TMEM39A: variants seen among roughly 807,000 people sequenced by gnomAD.
TMEM39A encodes the protein suppressor of SQST-1 aggregates in rpl-43 mutants.
A neutral mutation model predicts 51.9 loss-of-function variants in TMEM39A; 19 were observed. The ratio of observed to expected loss-of-function variants is 0.37; its 90% CI spans 0.26 to 0.54. The LOEUF (loss-of-function observed/expected upper bound fraction) is 0.54. Among genes scored for constraint, TMEM39A ranks in the 20% least tolerant of loss-of-function variants. The pLI is 0.88. For synonymous variants in TMEM39A, 197 were observed against 220.2 expected (o/e 0.89, Z 0.93); for missense variants, 433 against 590.5 (o/e 0.73, Z 2.76).
Position 119,459,779 on chromosome 3 carries a change from C to A in TMEM39A, c.114-1539G>T, listed in dbSNP as rs148807540. 9.8e-5 allele frequency among the ~76,000 whole-genome samples: 15 copies of A among 152,306 alleles called. No individual in the cohort carries two copies. In the East Asian group the frequency reaches 2.9e-3, roughly 29 times the overall value. ...CAAACAGGGACAAATTCTCTCCTCT[C>A]CAGCTGACCTATGTCTGTCTTGCAG... On this transcript the variant is annotated intron_variant, in intron 2 of 8. Coordinates refer to ENST00000319172, the MANE Select transcript of TMEM39A (RefSeq NM_018266.3).
In TMEM39A at chr3:119,431,989, C is replaced by T. The variant is rs1132200; in HGVS notation, c.1459G>A (p.Ala487Thr). 0.15 allele frequency: 230,778 copies of T among 1,581,760 alleles called. 18,235 individuals are homozygous for T. The highest frequency in any genetic ancestry group is 0.17 in the Middle Eastern group (1,016 of 5,940). ...CATTGTTGAGAGGCAGCTTAGTTTG[C>T]CTTGAGTTCATAACTGTTGAGTGGG... ...SYPLNSYELK[A>T]N The change falls in exon 9 of 9, where the codon GCA becomes ACA. Residue 487 changes from alanine to threonine, a missense_variant. Transcript: ENST00000319172.
intron 3 of TMEM39A, among the ~76,000 whole-genome samples, chr3:119,455,021 T>C (rs1360577714): frequency 1.3e-5 from 2 of 152,230 alleles, no homozygotes; most frequent in Admixed American, 1.3e-4. Flanking sequence ...AGAATGATAC[T>C]TCACATATTC....
intron 2 of TMEM39A, 62 bp downstream of exon 2, chr3:119,461,900 T>C: frequency 7.7e-7 from 1 of 1,293,958 alleles, no homozygotes; most frequent in East Asian, 2.4e-5. Context: ...CATGATGACT[T>C]TTATGTTAGT....
intron 5 of TMEM39A, among the ~76,000 whole-genome samples, chr3:119,445,656 T>C (rs1484631393): frequency 3.9e-5 from 6 of 152,168 alleles, no homozygotes; most frequent in South Asian, 2.1e-4. Flanking sequence ...TGCTGAAGTA[T>C]TGAGGAGGAA....
chr3:119,449,608 G>A (rs1160474676), intron 4 of TMEM39A, among the ~76,000 whole-genome samples: 1 of 152,062 alleles, frequency 6.6e-6, no homozygotes, highest in Admixed American at 6.5e-5. Flanking sequence ...GGCGACAAGA[G>A]CAAAACTCTG....
At chr3:119,435,545 G>T in intron 7 of TMEM39A, 3 of 984,446 alleles carry the variant, frequency 3.0e-6, no homozygotes, top group Non-Finnish European at 3.6e-6. Flanking sequence ...ATGGAGTTTG[G>T]GTGGGGACAG....
intron 2 of TMEM39A, 62 bp from the exon 3 acceptor site, chr3:119,458,302 G>A: frequency 7.0e-7 from 1 of 1,438,544 alleles, no homozygotes; most frequent in Non-Finnish European, 9.7e-7. Context: ...AGAACATAAA[G>A]GGCTCCTGCT....
Position 119,430,085 on chromosome 3 carries a change from TAG to T in TMEM39A, c.*1894_*1895del, listed in dbSNP as rs1437425303. 2 of 152,120 alleles carry T rather than the reference TAG, an allele frequency of 1.3e-5. No individual in the cohort carries two copies. The highest frequency in any genetic ancestry group is 4.8e-5 in the African/African-American group (2 of 41,430). 9.4% of individuals were successfully genotyped at this position (152,120 alleles called of 1,614,324 possible). ...TATTTTCAAGATCCTACAGAAAGAA[TAG>T]AAAGATGGCAGATTCCCTACCCTTC... On this transcript the variant is annotated 3_prime_UTR_variant, in exon 9 of 9. Coordinates refer to ENST00000319172, the MANE Select transcript of TMEM39A (RefSeq NM_018266.3).
intron 4 of TMEM39A, among the ~76,000 whole-genome samples, chr3:119,447,486 A>C (rs2081143572): frequency 1.3e-5 from 2 of 152,310 alleles, no homozygotes; most frequent in Admixed American, 1.3e-4. Context: ...ATTTTGTTCC[A>C]TCAGAATGAC....
In TMEM39A at chr3:119,430,638, T is replaced by G. The variant is rs570745825; in HGVS notation, c.*1343A>C. 9 of 152,194 alleles carry G rather than the reference T, an allele frequency of 5.9e-5. No homozygotes were observed. In the East Asian group the frequency reaches 1.7e-3, roughly 29 times the overall value. 9.4% of individuals were successfully genotyped at this position (152,194 alleles called of 1,614,324 possible). A position where few individuals can be genotyped will look rare whatever the true frequency, so the allele number is the denominator to read the frequency against. ...AAAAAAAGTATACACATCAAAATAT[T>G]TAAAGAAACAATTATTGATTTAAAC... On this transcript the variant is annotated 3_prime_UTR_variant, in exon 9 of 9. Coordinates refer to ENST00000319172, the MANE Select transcript of TMEM39A (RefSeq NM_018266.3).
intron 6 of TMEM39A, 32 bp from the exon 7 acceptor site, chr3:119,437,010 C>T: frequency 6.3e-7 from 1 of 1,582,704 alleles, no homozygotes. Context: ...AGAAATGATC[C>T]ATGCACTGGT....
rs762036518 is a variant in TMEM39A at position 119,438,045 on chromosome 3, G to A, written c.634C>T (p.Leu212Phe). 6 of 1,609,060 alleles carry A rather than the reference G, an allele frequency of 3.7e-6. No homozygotes were observed. Among genetic ancestry groups the A allele is most frequent in the Non-Finnish European group, 5.1e-6 (6 of 1,175,648 alleles). ...TGAACCACATAGTTGTAGTCTGTGA[G>A]AAGAAGATGTGCTCTACTATCTTGA... ...FHQDSRAHLL[L>F]TDYNYVVQHE... is the part of the protein sequence containing the mutation. Residue 212 changes from leucine (L) to phenylalanine (F), a missense_variant, in exon 6 of 9, where the codon CTC (leucine) becomes TTC (phenylalanine). This residue lies in a region of TMEM39A where 40 missense variants were observed against 22.6 expected (regional missense o/e 1.77). Coordinates refer to ENST00000319172, the MANE Select transcript of TMEM39A (RefSeq NM_018266.3).
At chr3:119,458,288 T>C in intron 2 of TMEM39A, 48 bp from the exon 3 acceptor site, 1 of 1,542,056 alleles carries the variant, frequency 6.5e-7, no homozygotes, top group Non-Finnish European at 8.9e-7. Context: ...ACCTCCAGTA[T>C]CACAGAACAT....
chr3:119,447,255 G>A, intron 4 of TMEM39A, 83 bp from the exon 5 acceptor site: 1 of 1,378,960 alleles, frequency 7.3e-7, no homozygotes. Flanking sequence ...AACTTAATAG[G>A]TTTAGTGGAA....
rs2081347277 is a variant in TMEM39A at position 119,462,139 on chromosome 3, A to G, written c.-65T>C. 1 of 1,266,814 alleles carries G rather than the reference A, an allele frequency of 7.9e-7. No individual in the cohort carries two copies. The highest frequency in any genetic ancestry group is 1.9e-5 in the Admixed American group (1 of 52,484). The allele number at this position is 1,266,814 out of a possible 1,614,324, so 78.5% of individuals were successfully genotyped here. ...CAACCCAGGTTAATGGTTGTCAACC[A>G]GTTTCAACTCTGAACGACAACAAAA... On this transcript the variant is annotated 5_prime_UTR_variant, in exon 2 of 9. Transcript: ENST00000319172.
intron 5 of TMEM39A, among the ~76,000 whole-genome samples, chr3:119,439,452 G>A (rs1464905613): frequency 5.9e-5 from 9 of 151,730 alleles, no homozygotes; most frequent in Admixed American, 2.6e-4. Flanking sequence ...GTGGTGGCGC[G>A]CACCTGCAAT....
chr3:119,453,393 G>A (rs887988809), intron 3 of TMEM39A, among the ~76,000 whole-genome samples: 3 of 152,200 alleles, frequency 2.0e-5, no homozygotes, highest in Admixed American at 2.0e-4. Flanking sequence ...TGTGGTGTCA[G>A]AGGGAAAGGA....
At chr3:119,435,630 G>T in intron 7 of TMEM39A, 1 of 984,000 alleles carries the variant, frequency 1.0e-6, no homozygotes, top group East Asian at 1.1e-4. Flanking sequence ...TTTTGGAAAG[G>T]TTAGTTTCCT....
At chr3:119,438,139 C>G (rs772561174) in intron 5 of TMEM39A, 36 bp from the exon 6 acceptor site, 1 of 1,508,326 alleles carries the variant, frequency 6.6e-7, no homozygotes, top group Non-Finnish European at 9.0e-7. Flanking sequence ...ACCACAGATA[C>G]CACCTAAAAT....
Sources: allele counts gnomAD v4.1 joint callset (sites outside exome capture counted in the v4.1 genomes callset), GRCh38; gene constraint gnomAD v4.1.1; regional missense constraint gnomAD v4.1.1; transcripts MANE v1.5; gene names NCBI Gene and HGNC (gene_info 2026-07-23, HGNC 2026-07-21).